TLK1: variants seen among roughly 807,000 people sequenced by gnomAD.
TLK1 encodes serine/threonine-protein kinase tousled-like 1.
In TLK1, 24 loss-of-function variants were observed where a neutral mutation model predicts 105.3. The ratio of observed to expected loss-of-function variants is 0.23; its 90% confidence interval spans 0.17 to 0.32. The LOEUF is 0.32. TLK1 is among the 10% of genes least tolerant of loss of function. The probability of loss-of-function intolerance (pLI) is 1.00; values close to 1 mark genes in which losing one functional copy is unlikely to be tolerated. For synonymous variants in TLK1, 321 were observed against 310.4 expected (o/e 1.03, Z -0.36); for missense variants, 558 against 910.5 (o/e 0.61, Z 4.98).
chr2:171,106,572 C>T (rs1689935011), intron 2 of TLK1, among the ~76,000 whole-genome samples: 1 of 152,172 alleles, frequency 6.6e-6, no homozygotes, highest in Non-Finnish European at 1.5e-5. Flanking sequence ...ATATACTGCT[C>T]TATTTTTCTC....
chr2:171,052,277 G>C (rs1039738500), intron 8 of TLK1, among the ~76,000 whole-genome samples: 1 of 152,040 alleles, frequency 6.6e-6, no homozygotes, highest in Non-Finnish European at 1.5e-5. Context: ...GGAAAAAAAA[G>C]ACCAGACCAA....
chr2:171,133,353 T>C (rs906419833), intron 1 of TLK1, among the ~76,000 whole-genome samples: 8 of 152,120 alleles, frequency 5.3e-5, no homozygotes, highest in African/African-American at 1.4e-4. Context: ...TCCCAGCACT[T>C]TGGAAGGCTG....
At chr2:171,140,249 C>A (rs927892253) in intron 1 of TLK1, among the ~76,000 whole-genome samples, 1 of 152,184 alleles carries the variant, frequency 6.6e-6, no homozygotes, top group South Asian at 2.1e-4. Context: ...CAAGGACTTT[C>A]TCCTTCCAGT....
intron 3 of TLK1, among the ~76,000 whole-genome samples, chr2:171,064,297 A>G (rs2105450649): frequency 6.6e-6 from 1 of 152,248 alleles, no homozygotes; most frequent in Middle Eastern, 3.4e-3. Context: ...GACATATCCT[A>G]TGTTACCTCT....
At chr2:171,026,444 T>C (rs1685777180) in intron 12 of TLK1, among the ~76,000 whole-genome samples, 1 of 152,148 alleles carries the variant, frequency 6.6e-6, no homozygotes, top group Admixed American at 6.5e-5. Context: ...GTAATACAAA[T>C]AGCCAATTCC....
intron 4 of TLK1, among the ~76,000 whole-genome samples, chr2:171,058,470 A>C (rs1687603443): frequency 6.6e-6 from 1 of 152,182 alleles, no homozygotes; most frequent in Non-Finnish European, 1.5e-5. Context: ...TAGCGACTGC[A>C]TCACTGACAA....
chr2:171,145,400 G>T (rs57733560), intron 1 of TLK1, among the ~76,000 whole-genome samples: 17,214 of 152,056 alleles, frequency 0.11, 1,532 homozygotes, highest in African/African-American at 0.24. Context: ...GGCCAGCCTG[G>T]TCAACATGGT....
intron 3 of TLK1, chr2:171,081,498 T>C (rs1239605491): frequency 2.1e-5 from 8 of 374,220 alleles, no homozygotes; most frequent in Non-Finnish European, 3.6e-5. Context: ...CCAGGAAATA[T>C]AAAGTGAGAA....
chr2:171,050,038 G>A (rs370861723), intron 9 of TLK1, 26 bp downstream of exon 9: 9 of 1,605,208 alleles, frequency 5.6e-6, no homozygotes, highest in South Asian at 4.4e-5. Context: ...AAGGGAAAGC[G>A]AAAATTTACT....
At chr2:171,149,761 C>G (rs1055633608) in intron 1 of TLK1, among the ~76,000 whole-genome samples, 32 of 152,000 alleles carry the variant, frequency 2.1e-4, no homozygotes, top group African/African-American at 7.3e-4. Flanking sequence ...AAAAAATCAG[C>G]AGGATATGGT....
intron 1 of TLK1, among the ~76,000 whole-genome samples, chr2:171,209,765 G>A (rs907935218): frequency 6.6e-6 from 1 of 152,186 alleles, no homozygotes; most frequent in Non-Finnish European, 1.5e-5. Context: ...AAGACCATAT[G>A]AAGACAGAGA....
At chr2:170,995,204 G>A (rs1169583421) in intron 20 of TLK1, among the ~76,000 whole-genome samples, 1 of 152,084 alleles carries the variant, frequency 6.6e-6, no homozygotes, top group Non-Finnish European at 1.5e-5. Context: ...GGAGTGGAAA[G>A]GCTATCAATA....
chr2:171,099,814 T>C (rs1239149065), intron 2 of TLK1, among the ~76,000 whole-genome samples: 1 of 152,200 alleles, frequency 6.6e-6, no homozygotes, highest in Non-Finnish European at 1.5e-5. Flanking sequence ...GCGAAAAAAT[T>C]ATTTTGGATT....
chr2:171,006,015 G>T, intron 18 of TLK1, 132 bp downstream of exon 18: 1 of 890,400 alleles, frequency 1.1e-6, no homozygotes, highest in South Asian at 3.5e-5. Flanking sequence ...CCTCTCAACT[G>T]AGAGCTTAAT....
intron 1 of TLK1, among the ~76,000 whole-genome samples, chr2:171,195,243 C>G (rs1693245337): frequency 6.6e-6 from 1 of 152,118 alleles, no homozygotes; most frequent in South Asian, 2.1e-4. Context: ...GTGGCTCACG[C>G]CTGTAATCCC....
rs911710804 is a variant in TLK1, at chr2:170,993,950, T to C, written c.2131A>G (p.Ile711Val). The C allele has an allele frequency of 2.5e-6, 4 of 1,597,004 alleles. No individual in the cohort carries two copies. The South Asian group carries it at 3.4e-5, about 14-fold the overall frequency. ...PVVSSEAKAF[I>V]RRCLAYRKED... Reference sequence around the variant, plus strand: ...TTTCGATATGCCAAACAGCGTCTTATAAATGCCTCAAAAAGAGAAAGGAAA... The same window carrying C: ...TTTCGATATGCCAAACAGCGTCTTACAAATGCCTCAAAAAGAGAAAGGAAA... Residue 711 changes from isoleucine (I) to valine (V), a missense_variant, in exon 21 of 21, where the codon ATA becomes GTA. By Grantham distance (29) the Ile-to-Val change is conservative. Around this residue, in one of 5 missense-constraint regions of TLK1, gnomAD observed 218 missense variants for 492.9 expected, o/e 0.44. Transcript: ENST00000431350.
At chr2:171,009,216 AT>A (rs1193760962) in intron 14 of TLK1, among the ~76,000 whole-genome samples, 2 of 150,810 alleles carry the variant, frequency 1.3e-5, no homozygotes, top group Non-Finnish European at 2.9e-5. Flanking sequence ...CTCAAATCCC[AT>A]AATTTTTCCA....
intron 3 of TLK1, among the ~76,000 whole-genome samples, chr2:171,076,891 G>A (rs1688539225): frequency 6.6e-6 from 1 of 151,834 alleles, no homozygotes; most frequent in Non-Finnish European, 1.5e-5. Flanking sequence ...TCCAGCCTAG[G>A]CAACGAGTGA....
At chr2:171,086,042 G>A (rs1219042179) in intron 2 of TLK1, among the ~76,000 whole-genome samples, 3 of 151,930 alleles carry the variant, frequency 2.0e-5, no homozygotes, top group Non-Finnish European at 2.9e-5. Context: ...CCTCTGCTTC[G>A]TATCTTCGAA....
Sources: allele counts gnomAD v4.1 joint callset (sites outside exome capture counted in the v4.1 genomes callset), GRCh38; gene constraint gnomAD v4.1.1; regional missense constraint gnomAD v4.1.1; transcripts MANE v1.5; gene names NCBI Gene and HGNC (gene_info 2026-07-23, HGNC 2026-07-21).